The following LTBP1 variants were observed in gnomAD, a reference collection of about 807,000 sequenced individuals.
The protein encoded by LTBP1 is latent-transforming growth factor beta-binding protein 1.
LTBP1 carries 129 observed loss-of-function variants against 207.6 expected under a neutral mutation model. The observed-to-expected ratio is 0.62, with a 90% CI of 0.54 to 0.72. The LOEUF (loss-of-function observed/expected upper bound fraction) is 0.72, where lower values mean the gene tolerates loss of function less well. Ranked by LOEUF, LTBP1 falls within the 30% of genes least tolerant of loss-of-function variation. The probability of loss-of-function intolerance (pLI) is 0.00; values close to 1 mark genes in which losing one functional copy is unlikely to be tolerated. For synonymous variants in LTBP1, 963 were observed against 833.7 expected (o/e 1.16, Z -2.67); for missense variants, 2,281 against 2,217.2 (o/e 1.03, Z -0.58).
intron 3 of LTBP1, among the ~76,000 whole-genome samples, chr2:33,109,728 T>C (rs1005424535): frequency 6.6e-6 from 1 of 152,240 alleles, no homozygotes; most frequent in South Asian, 2.1e-4. Context: ...AAAAATTGTT[T>C]CCCTAAAGCG....
Position 33,364,331 on chromosome 2 carries a change from A to T in LTBP1, c.4515A>T (p.Arg1505Ser), listed in dbSNP as rs747015329. ...HPMVLDASEK[R>S]CIRPAESNEQ... ...TGGTCCTGGATGCGTCAGAAAAAAG[A>T]TGTATACGACCGGCTGAGTCAAACG... is the stretch of plus-strand genomic sequence containing the variant. The change falls in exon 30 of 34, where the codon AGA (arginine) becomes AGT (serine). Residue 1505 changes from arginine to serine, a missense_variant. Transcript: ENST00000404816. 6.2e-7 allele frequency: 1 copy of T among 1,614,022 alleles called. No individual in the cohort carries two copies. Among genetic ancestry groups the T allele is most frequent in the Non-Finnish European group, 8.5e-7 (1 of 1,179,966 alleles).
intron 9 of LTBP1, among the ~76,000 whole-genome samples, chr2:33,227,846 C>G (rs2091535815): frequency 7.3e-6 from 1 of 137,862 alleles, no homozygotes; most frequent in Non-Finnish European, 1.5e-5. Flanking sequence ...CGCTCTGTCG[C>G]CAGGCTGGAG....
chr2:33,254,548 G>GTT (rs1573449058), intron 11 of LTBP1, among the ~76,000 whole-genome samples: 19 of 72,000 alleles, frequency 2.6e-4, no homozygotes, highest in East Asian at 1.3e-3. Context: ...CTTTAAACTT[G>GTT]GTTTTTTTTT....
intron 3 of LTBP1, among the ~76,000 whole-genome samples, chr2:33,024,468 G>A (rs1310252572): frequency 6.6e-6 from 1 of 152,182 alleles, no homozygotes; most frequent in Non-Finnish European, 1.5e-5. Context: ...GATGTTTGAG[G>A]AACAGCTAGT....
intron 3 of LTBP1, among the ~76,000 whole-genome samples, chr2:33,094,446 C>T (rs1427256280): frequency 1.3e-5 from 2 of 152,120 alleles, no homozygotes; most frequent in African/African-American, 4.8e-5. Context: ...TATTTAATTT[C>T]TTTTGCAATC....
intron 3 of LTBP1, among the ~76,000 whole-genome samples, chr2:33,105,769 T>A (rs1187200645): frequency 6.6e-6 from 1 of 152,166 alleles, no homozygotes; most frequent in Non-Finnish European, 1.5e-5. Flanking sequence ...GATGTTGGTG[T>A]CTGCTGAGTG....
intron 3 of LTBP1, 144 bp from the exon 4 acceptor site, chr2:33,110,438 C>A: frequency 1.5e-6 from 1 of 663,744 alleles, no homozygotes; most frequent in Non-Finnish European, 2.5e-6. Flanking sequence ...GAGTGGTCAG[C>A]GACAGTATTT....
intron 24 of LTBP1, among the ~76,000 whole-genome samples, chr2:33,334,298 C>T (rs376720042): frequency 1.4e-4 from 22 of 152,294 alleles, no homozygotes; most frequent in Middle Eastern, 3.4e-3. Flanking sequence ...GCAGACAGCA[C>T]GTGGCAAAGG....
At chr2:33,348,492 T>A (rs2149784941) in intron 26 of LTBP1, among the ~76,000 whole-genome samples, 1 of 152,244 alleles carries the variant, frequency 6.6e-6, no homozygotes, top group Admixed American at 6.5e-5. Context: ...ACCACAACAA[T>A]ACATATTCCA....
chr2:33,114,902 CAA>C (rs1015636584), intron 4 of LTBP1, among the ~76,000 whole-genome samples: 2 of 151,858 alleles, frequency 1.3e-5, no homozygotes, highest in African/African-American at 4.8e-5. Context: ...GCTATATATC[CAA>C]AAGAATTGAA....
chr2:33,098,102 C>T (rs751097287), intron 3 of LTBP1, among the ~76,000 whole-genome samples: 1 of 152,184 alleles, frequency 6.6e-6, no homozygotes, highest in Non-Finnish European at 1.5e-5. Context: ...TTTATATCCC[C>T]ATGACAATAG....
chr2:33,109,713 G>A (rs550788564), intron 3 of LTBP1, among the ~76,000 whole-genome samples: 1 of 152,270 alleles, frequency 6.6e-6, no homozygotes, highest in South Asian at 2.1e-4. Context: ...ATGAGACACA[G>A]CATAAAAAAT....
chr2:33,333,226 G>A (rs1306609811), intron 24 of LTBP1, among the ~76,000 whole-genome samples: 2 of 136,540 alleles, frequency 1.5e-5, no homozygotes, highest in African/African-American at 5.1e-5. Flanking sequence ...AGGTTAATTT[G>A]TAGAGTTTTT....
In LTBP1 at chr2:33,364,222, A is replaced by G; in HGVS notation, c.4406A>G (p.Asp1469Gly). 6.2e-7 allele frequency: 1 copy of G among 1,613,046 alleles called. No individual in the cohort carries two copies. The highest frequency in any genetic ancestry group is 8.5e-7 in the Non-Finnish European group (1 of 1,179,710). ...DPVKLQCFDMDECQDPSSCID... is the reference protein window; with the variant it reads ...DPVKLQCFDMGECQDPSSCID... ...ACTTTTTTTTGCTCTTAAGATATGG[A>G]TGAATGTCAAGACCCCAGTAGTTGT... Residue 1469 changes from aspartate (D) to glycine (G), a missense_variant, in exon 30 of 34, where the codon GAT becomes GGT. Physicochemically the swap from Asp to Gly is moderately conservative, Grantham distance 94 (BLOSUM62 -1). Coordinates refer to ENST00000404816, the MANE Select transcript of LTBP1 (RefSeq NM_206943.4).
rs62146735 is a variant in LTBP1 at position 33,229,407 on chromosome 2, G to A, written c.1876+7256G>A. On this transcript the variant is annotated intron_variant, in intron 9 of 33. Transcript: ENST00000404816. ...AAGGGTTGCTTGAGTCCGGGAGTTC[G>A]AGGCTGCAGTGAGCTATGATCGTGC... Among the ~76,000 whole-genome samples, 44 of 152,158 alleles carry A rather than the reference G, an allele frequency of 2.9e-4. No individual in the cohort carries two copies. The South Asian group carries it at 6.8e-3, about 24-fold the overall frequency.
At chr2:33,180,166 T>G (rs2086473214) in intron 5 of LTBP1, among the ~76,000 whole-genome samples, 1 of 152,224 alleles carries the variant, frequency 6.6e-6, no homozygotes, top group South Asian at 2.1e-4. Context: ...TAACTCTGGT[T>G]TTTTGATGGA....
intron 2 of LTBP1, among the ~76,000 whole-genome samples, chr2:32,997,291 G>T (rs920391146): frequency 6.6e-6 from 1 of 152,064 alleles, no homozygotes; most frequent in Non-Finnish European, 1.5e-5. Context: ...TGGGAGGATT[G>T]CTTGAGGCCA....
At chr2:33,149,462 G>A (rs1246114147) in intron 5 of LTBP1, among the ~76,000 whole-genome samples, 1 of 152,072 alleles carries the variant, frequency 6.6e-6, no homozygotes, top group Non-Finnish European at 1.5e-5. Context: ...GAAATCTCTA[G>A]CCTTCTGTCA....
At chr2:33,328,704 A>G (rs913727705) in intron 24 of LTBP1, among the ~76,000 whole-genome samples, 3 of 152,202 alleles carry the variant, frequency 2.0e-5, no homozygotes, top group African/African-American at 7.2e-5. Flanking sequence ...TATGGGGATT[A>G]CAATTCAAGG....
Sources: allele counts gnomAD v4.1 joint callset (sites outside exome capture counted in the v4.1 genomes callset), GRCh38; gene constraint gnomAD v4.1.1; transcripts MANE v1.5; gene names NCBI Gene and HGNC (gene_info 2026-07-23, HGNC 2026-07-21).